Variants in ROR2 observed in about 807,000 individuals in gnomAD.
The protein encoded by ROR2 is tyrosine-protein kinase transmembrane receptor ROR2.
ROR2 carries 33 observed loss-of-function variants against 74.9 expected under a neutral mutation model. The ratio of observed to expected loss-of-function variants is 0.44; its 90% CI spans 0.33 to 0.59. The LOEUF (loss-of-function observed/expected upper bound fraction) is 0.59. Among genes scored for constraint, ROR2 ranks in the 20% least tolerant of loss-of-function variants. The pLI, the probability that ROR2 is intolerant of heterozygous loss-of-function variation, is 0.02. For missense variants in ROR2, 1,216 were observed against 1,313.8 expected, an observed-to-expected ratio of 0.93 and a Z score of 1.15; for synonymous variants, 586 against 558.7, an observed-to-expected ratio of 1.05 and a Z score of -0.69.
chr9:91,912,261 C>T (rs78011329), intron 1 of ROR2, among the ~76,000 whole-genome samples: 2,742 of 152,134 alleles, frequency 0.018, 205 homozygotes, highest in Admixed American at 0.13. Context: ...TAAGGGAAGC[C>T]GAGTTAAAGG....
intron 1 of ROR2, among the ~76,000 whole-genome samples, chr9:91,860,947 T>C (rs1209314951): frequency 6.6e-6 from 1 of 152,230 alleles, no homozygotes. Context: ...ATCATTTGTA[T>C]TTCTATATGC....
intron 1 of ROR2, among the ~76,000 whole-genome samples, chr9:91,778,222 C>A (rs1826484665): frequency 6.6e-6 from 1 of 152,248 alleles, no homozygotes; most frequent in Non-Finnish European, 1.5e-5. Flanking sequence ...GGGGCCACCA[C>A]AACGGATGTT....
chr9:91,788,140 G>C (rs1296128962), intron 1 of ROR2, among the ~76,000 whole-genome samples: 1 of 152,058 alleles, frequency 6.6e-6, no homozygotes, highest in Non-Finnish European at 1.5e-5. Context: ...CAGTGAACTG[G>C]AAGGCAGGTC....
intron 1 of ROR2, among the ~76,000 whole-genome samples, chr9:91,918,724 A>C (rs1486281616): frequency 6.6e-6 from 1 of 152,158 alleles, no homozygotes; most frequent in Non-Finnish European, 1.5e-5. Flanking sequence ...TGGCTTGTGG[A>C]TTCTATCTCT....
intron 1 of ROR2, among the ~76,000 whole-genome samples, chr9:91,926,543 C>CAA (rs34550588): frequency 2.6e-4 from 26 of 101,156 alleles, no homozygotes; most frequent in African/African-American, 6.5e-4. Flanking sequence ...GACTCCATCT[C>CAA]AAAAAAAAAA....
chr9:91,776,452 G>T (rs1179644005), intron 1 of ROR2, among the ~76,000 whole-genome samples: 2 of 152,172 alleles, frequency 1.3e-5, no homozygotes, highest in Non-Finnish European at 2.9e-5. Context: ...TAGAAGAAAA[G>T]TTTCTATTCT....
chr9:91,775,891 A>G, intron 1 of ROR2, 73 bp from the exon 2 acceptor site: 3 of 1,269,766 alleles, frequency 2.4e-6, no homozygotes, highest in South Asian at 2.5e-5. Context: ...TTCTTATGCA[A>G]AGACAACAGC....
rs183203185 is a variant in ROR2 at position 91,904,201 on chromosome 9, C to T, written c.97+45666G>A. On this transcript the variant is annotated intron_variant, in intron 1 of 8. Transcript: ENST00000375708. ...GATTACAGGCATGCACCACCACACC[C>T]GGGCCCAGGTCATCCTTTTTTAACC... Among the ~76,000 whole-genome samples the T allele has an allele frequency of 1.6e-4, 24 of 152,160 alleles. No individual in the cohort carries two copies. The East Asian group carries it at 3.9e-3, about 25-fold the overall frequency.
intron 1 of ROR2, among the ~76,000 whole-genome samples, chr9:91,917,454 G>A (rs938979313): frequency 5.3e-5 from 8 of 152,308 alleles, no homozygotes; most frequent in African/African-American, 1.9e-4. Context: ...ATTATGCAGA[G>A]GGCAGGGAAG....
At chr9:91,728,760 G>A (rs1837132543) in intron 7 of ROR2, among the ~76,000 whole-genome samples, 1 of 152,164 alleles carries the variant, frequency 6.6e-6, no homozygotes, top group African/African-American at 2.4e-5. Flanking sequence ...ATAGAATCGT[G>A]TCATCCATAT....
At position 91,941,948 on chromosome 9, in the gene ROR2, G is replaced by T. The variant is rs187849839; in HGVS notation, c.97+7919C>A. ...TGGAATTACAGGCACATGTCACCAC[G>T]CCCGGCTAACTTTTGTATTTTTAGT... is the stretch of plus-strand genomic sequence containing the variant. On this transcript the variant is annotated intron_variant, in intron 1 of 8. Coordinates refer to ENST00000375708, the MANE Select transcript of ROR2 (RefSeq NM_004560.4). Among the ~76,000 whole-genome samples the T allele has an allele frequency of 3.4e-3, 517 of 152,060 alleles. 2 individuals carry two copies. Among genetic ancestry groups the T allele is most frequent in the Non-Finnish European group, 4.8e-3 (327 of 67,986 alleles).
chr9:91,732,073 C>T (rs994311289), intron 6 of ROR2, among the ~76,000 whole-genome samples: 1 of 152,166 alleles, frequency 6.6e-6, no homozygotes, highest in African/African-American at 2.4e-5. Flanking sequence ...TGAATGCAGG[C>T]AACGGGCCCA....
chr9:91,830,861 AACTCAAGTTTGAAAAGGTAG>A (rs1343785375), intron 1 of ROR2, among the ~76,000 whole-genome samples: 2 of 134,338 alleles, frequency 1.5e-5, no homozygotes, highest in East Asian at 4.5e-4. Context: ...TGTGTAGAGA[AACTCAAGTTTGAAAAGGTAG>A]ACATCAAACT....
chr9:91,802,364 C>A (rs1263268928), intron 1 of ROR2, among the ~76,000 whole-genome samples: 2 of 152,124 alleles, frequency 1.3e-5, no homozygotes, highest in Non-Finnish European at 2.9e-5. Flanking sequence ...GCGTGAGCCA[C>A]CGCGCCTGGC....
intron 2 of ROR2, among the ~76,000 whole-genome samples, chr9:91,765,938 T>G (rs1826046118): frequency 1.3e-5 from 2 of 152,254 alleles, no homozygotes; most frequent in Non-Finnish European, 1.5e-5. Flanking sequence ...TCCTAGTCCC[T>G]CATTTCTCCT....
intron 1 of ROR2, among the ~76,000 whole-genome samples, chr9:91,836,055 AAC>A (rs1368082905): frequency 6.6e-6 from 1 of 152,152 alleles, no homozygotes; most frequent in Non-Finnish European, 1.5e-5. Flanking sequence ...CCCGCTAAAC[AAC>A]AGAGTTTGGT....
At chr9:91,922,923 C>A (rs980852828) in intron 1 of ROR2, among the ~76,000 whole-genome samples, 2 of 151,938 alleles carry the variant, frequency 1.3e-5, no homozygotes, top group Non-Finnish European at 2.9e-5. Flanking sequence ...GGCAGCCTGC[C>A]TCTCAAAGCC....
chr9:91,783,867 G>C (rs571343334), intron 1 of ROR2, among the ~76,000 whole-genome samples: 1 of 152,178 alleles, frequency 6.6e-6, no homozygotes, highest in African/African-American at 2.4e-5. Flanking sequence ...GCCCACGTCT[G>C]GATCTTTTCC....
chr9:91,877,057 G>A (rs1377072202), intron 1 of ROR2, among the ~76,000 whole-genome samples: 3 of 152,184 alleles, frequency 2.0e-5, no homozygotes, highest in South Asian at 2.1e-4. Context: ...GAAAAGGAAT[G>A]AGGCTTCAAG....
Sources: allele counts gnomAD v4.1 joint callset (sites outside exome capture counted in the v4.1 genomes callset), GRCh38; gene constraint gnomAD v4.1.1; transcripts MANE v1.5; gene names NCBI Gene and HGNC (gene_info 2026-07-23, HGNC 2026-07-21).